Variants in DENND4A observed in about 807,000 individuals in gnomAD.
The protein encoded by DENND4A is DENN domain containing 4A, also known as C-myc promoter-binding protein.
DENND4A carries 70 observed loss-of-function variants against 199.3 expected under a neutral mutation model. That is an observed-to-expected ratio of 0.35 (90% confidence interval 0.29 to 0.43). The LOEUF is 0.43. Among genes scored for constraint, DENND4A ranks in the 20% least tolerant of loss-of-function variants. DENND4A has a pLI of 1.00. For missense variants in DENND4A, 1,723 were observed against 2,255.8 expected, an observed-to-expected ratio of 0.76 and a Z score of 4.78; for synonymous variants, 686 against 766.9, an observed-to-expected ratio of 0.89 and a Z score of 1.74.
intron 22 of DENND4A, among the ~76,000 whole-genome samples, chr15:65,695,841 G>T (rs1040387258): frequency 6.6e-6 from 1 of 151,904 alleles, no homozygotes; most frequent in Admixed American, 6.6e-5. Flanking sequence ...ACTGAAGTAT[G>T]CTTTAGTTTT....
intron 1 of DENND4A, among the ~76,000 whole-genome samples, chr15:65,775,560 G>A (rs1596679529): frequency 7.4e-6 from 1 of 135,490 alleles, no homozygotes; most frequent in South Asian, 2.4e-4. Flanking sequence ...AGAATCACTC[G>A]AACCTGGGAG....
intron 22 of DENND4A, among the ~76,000 whole-genome samples, chr15:65,691,855 TAAGA>T (rs2076980215): frequency 1.3e-5 from 2 of 151,978 alleles, no homozygotes; most frequent in African/African-American, 2.4e-5. Context: ...TGTTATCAAT[TAAGA>T]TTTATATTTA....
intron 1 of DENND4A, among the ~76,000 whole-genome samples, chr15:65,762,706 G>C (rs546537729): frequency 9.3e-4 from 141 of 152,218 alleles, no homozygotes; most frequent in African/African-American, 3.3e-3. Context: ...ACTTTATATA[G>C]CATTTAATTG....
At chr15:65,747,209 T>C (rs1308304479) in intron 4 of DENND4A, among the ~76,000 whole-genome samples, 1 of 152,200 alleles carries the variant, frequency 6.6e-6, no homozygotes, top group Non-Finnish European at 1.5e-5. Context: ...GCAAGCTACC[T>C]GGACTAAATA....
chr15:65,770,906 T>C (rs2077108476), intron 1 of DENND4A, among the ~76,000 whole-genome samples: 1 of 152,228 alleles, frequency 6.6e-6, no homozygotes, highest in South Asian at 2.1e-4. Flanking sequence ...ACAGGTGTGA[T>C]AATCCTTTCT....
At chr15:65,771,648 T>C in intron 1 of DENND4A, 1 of 1,612,202 alleles carries the variant, frequency 6.2e-7, no homozygotes, top group South Asian at 1.1e-5. Flanking sequence ...TAACCAGCTC[T>C]TCCATTTGAA....
chr15:65,695,086 T>C (rs772067021), intron 22 of DENND4A, among the ~76,000 whole-genome samples: 13 of 152,162 alleles, frequency 8.5e-5, no homozygotes, highest in Non-Finnish European at 1.5e-4. Context: ...CTCTATGACA[T>C]TGAGGAAAAA....
intron 1 of DENND4A, among the ~76,000 whole-genome samples, chr15:65,764,283 A>C (rs1029150356): frequency 6.6e-6 from 1 of 152,148 alleles, no homozygotes; most frequent in African/African-American, 2.4e-5. Context: ...AAATCACTTG[A>C]GGCCAGGAGT....
At position 65,676,472 on chromosome 15, in the gene DENND4A, T is replaced by C; in HGVS notation, c.4342A>G (p.Ser1448Gly). The C allele has an allele frequency of 6.2e-7, 1 of 1,610,528 alleles. No individual in the cohort carries two copies. The highest frequency in any genetic ancestry group is 8.5e-7 in the Non-Finnish European group (1 of 1,178,102). Residue 1448 changes from serine (S) to glycine (G), a missense_variant, in exon 24 of 33, where the codon AGC becomes GGC. Physicochemically the swap from Ser to Gly is moderately conservative, Grantham distance 56 (BLOSUM62 0). Coordinates refer to ENST00000443035, the MANE Select transcript of DENND4A (RefSeq NM_001320835.1). The part of the protein sequence containing the change: ...GTKRIDLSRI[S>G]LESSASLEGS... ...TCCAAGGATGCAGAACTTTCCAGGC[T>C]TATTCGGCTGAGATCAATTCTCTTA...
At chr15:65,767,355 A>C (rs1413635208) in intron 1 of DENND4A, 1 of 152,226 alleles carries the variant, frequency 6.6e-6, no homozygotes, top group African/African-American at 2.4e-5. Flanking sequence ...CCATGAGGGT[A>C]CAGATTTTTC....
At chr15:65,687,910 G>T (rs1357932309) in intron 23 of DENND4A, among the ~76,000 whole-genome samples, 2 of 152,074 alleles carry the variant, frequency 1.3e-5, no homozygotes, top group African/African-American at 2.4e-5. Flanking sequence ...TGAGTCTCTT[G>T]TATCTATAAA....
chr15:65,697,512 C>G (rs2077188535), intron 20 of DENND4A, 129 bp from the exon 21 acceptor site: 1 of 608,504 alleles, frequency 1.6e-6, no homozygotes, highest in Non-Finnish European at 2.8e-6. Context: ...CAACTTAAAG[C>G]ATTATTTTGT....
intron 23 of DENND4A, among the ~76,000 whole-genome samples, chr15:65,677,927 CTTTTTTTTT>C (rs11071847): frequency 3.0e-5 from 3 of 100,114 alleles, no homozygotes; most frequent in African/African-American, 1.1e-4. Flanking sequence ...CCTCTTATCT[CTTTTTTTTT>C]TTTTTTTTTT....
At position 65,676,469 on chromosome 15, in the gene DENND4A, G is replaced by T; in HGVS notation, c.4345C>A (p.Leu1449Met). The T allele has an allele frequency of 6.2e-7, 1 of 1,609,548 alleles. No homozygotes were observed. Among genetic ancestry groups the T allele is most frequent in the Non-Finnish European group, 8.5e-7 (1 of 1,177,638 alleles). Residue 1449 changes from leucine (L) to methionine (M), a missense_variant, in exon 24 of 33, where the codon CTG (leucine) becomes ATG (methionine). Physicochemically the swap from Leu to Met is conservative, Grantham distance 15 (BLOSUM62 2). Coordinates refer to ENST00000443035, the MANE Select transcript of DENND4A (RefSeq NM_001320835.1). ...TKRIDLSRIS[L>M]ESSASLEGSL... ...CCTTCCAAGGATGCAGAACTTTCCA[G>T]GCTTATTCGGCTGAGATCAATTCTC...
At chr15:65,775,722 G>A (rs1404220696) in intron 1 of DENND4A, among the ~76,000 whole-genome samples, 1 of 143,140 alleles carries the variant, frequency 7.0e-6, no homozygotes, top group African/African-American at 2.6e-5. Context: ...TTCCCAAAAT[G>A]ACATCAAAAT....
At chr15:65,749,202 A>G (rs2076495814) in intron 4 of DENND4A, among the ~76,000 whole-genome samples, 1 of 152,142 alleles carries the variant, frequency 6.6e-6, no homozygotes, top group Admixed American at 6.5e-5. Context: ...TCCAGGACGA[A>G]CCATAAGGAA....
At chr15:65,704,121 CT>C (rs1237698835) in intron 15 of DENND4A, among the ~76,000 whole-genome samples, 2 of 152,090 alleles carry the variant, frequency 1.3e-5, no homozygotes, top group Non-Finnish European at 2.9e-5. Context: ...AACCATGCCC[CT>C]TAAAAAATTC....
At chr15:65,706,284 T>A (rs962704938) in intron 14 of DENND4A, 60 bp from the exon 15 acceptor site, 6 of 1,394,738 alleles carry the variant, frequency 4.3e-6, no homozygotes, top group African/African-American at 1.5e-5. Flanking sequence ...AGTGTTCATA[T>A]AAAGGGAAGT....
intron 29 of DENND4A, among the ~76,000 whole-genome samples, chr15:65,667,043 T>C (rs2076063390): frequency 1.3e-5 from 2 of 152,176 alleles, no homozygotes; most frequent in Middle Eastern, 3.4e-3. Context: ...TAAAAATATT[T>C]AGCATAGGCT....
Sources: allele counts gnomAD v4.1 joint callset (sites outside exome capture counted in the v4.1 genomes callset), GRCh38; gene constraint gnomAD v4.1.1; transcripts MANE v1.5; gene names NCBI Gene and HGNC (gene_info 2026-07-23, HGNC 2026-07-21).